NTRK3: variants seen among roughly 807,000 people sequenced by gnomAD.
The protein encoded by NTRK3 is NT-3 growth factor receptor.
NTRK3 carries 24 observed loss-of-function variants against 91.7 expected under a neutral mutation model. That is an observed-to-expected ratio of 0.26 (90% CI 0.19 to 0.37). NTRK3 has a LOEUF of 0.37. NTRK3 is among the 10% of genes least tolerant of loss of function. NTRK3 has a pLI of 1.00. For missense variants in NTRK3, 880 were observed against 1,068.9 expected (o/e 0.82, Z 2.46); for synonymous variants, 483 against 404.0 (o/e 1.20, Z -2.34).
At chr15:87,903,894 A>G (rs1157348028) in intron 17 of NTRK3, among the ~76,000 whole-genome samples, 1 of 152,188 alleles carries the variant, frequency 6.6e-6, no homozygotes, top group African/African-American at 2.4e-5. Flanking sequence ...AATAATCTCT[A>G]GCTTATAGAC....
intron 3 of NTRK3, among the ~76,000 whole-genome samples, chr15:88,247,161 C>T (rs760293246): frequency 1.2e-4 from 19 of 152,228 alleles, no homozygotes; most frequent in Non-Finnish European, 2.6e-4. Context: ...CGGCAGGTAG[C>T]CGGGTTTAGG....
chr15:88,098,290 G>T (rs930306855), intron 13 of NTRK3, among the ~76,000 whole-genome samples: 1 of 152,234 alleles, frequency 6.6e-6, no homozygotes, highest in Admixed American at 6.5e-5. Context: ...GGCAAGGTGA[G>T]AGAGTGGGAT....
chr15:88,169,363 T>C (rs16941364), intron 5 of NTRK3, among the ~76,000 whole-genome samples: 41,301 of 152,106 alleles, frequency 0.27, 6,167 homozygotes, highest in African/African-American at 0.4. Context: ...CCTCTTAGGA[T>C]TCTGTGATCC....
At chr15:87,987,941 C>CGT (rs2074967992) in intron 14 of NTRK3, among the ~76,000 whole-genome samples, 2 of 152,026 alleles carry the variant, frequency 1.3e-5, no homozygotes, top group Admixed American at 6.6e-5. Flanking sequence ...ATCTCCCTTA[C>CGT]AGAAGAATTA....
intron 5 of NTRK3, among the ~76,000 whole-genome samples, chr15:88,158,039 C>T (rs1245372194): frequency 2.0e-5 from 3 of 152,228 alleles, no homozygotes; most frequent in African/African-American, 4.8e-5. Flanking sequence ...CCTACCACTG[C>T]TGCCTCCATG....
intron 3 of NTRK3, among the ~76,000 whole-genome samples, chr15:88,217,763 A>ATTTT: frequency 2.4e-5 from 1 of 42,150 alleles, no homozygotes; most frequent in Non-Finnish European, 5.8e-5. Context: ...TTTGTAGCAC[A>ATTTT]ATTTTTTTTT....
At chr15:88,108,338 T>G (rs2050938718) in intron 13 of NTRK3, among the ~76,000 whole-genome samples, 1 of 152,230 alleles carries the variant, frequency 6.6e-6, no homozygotes, top group South Asian at 2.1e-4. Context: ...TAGTCTACGC[T>G]GGGATCTTGG....
At position 87,940,860 on chromosome 15, in the gene NTRK3, A is replaced by G. The variant is rs574068917; in HGVS notation, c.1586-107T>C. 41 of 1,528,334 alleles carry G rather than the reference A, an allele frequency of 2.7e-5. 1 individual carries two copies. The South Asian group carries it at 4.4e-4, about 16-fold the overall frequency. 94.7% of individuals were successfully genotyped at this position (1,528,334 alleles called of 1,614,324 possible). On this transcript the variant is annotated intron_variant, in intron 14 of 18. Coordinates refer to ENST00000394480, the Ensembl canonical transcript of NTRK3. ...GCGTGGAGAACTTGGTTCTGAGCCTACAGCAGGCAAAGGCAAACTCTAGCA... is the reference window on the plus strand; with the variant it reads ...GCGTGGAGAACTTGGTTCTGAGCCTGCAGCAGGCAAAGGCAAACTCTAGCA...
intron 13 of NTRK3, among the ~76,000 whole-genome samples, chr15:88,091,975 G>C (rs546074418): frequency 6.6e-6 from 1 of 152,168 alleles, no homozygotes; most frequent in Admixed American, 6.5e-5. Context: ...TCTGCAAAAG[G>C]CAGCATTTTA....
chr15:88,091,918 G>C (rs2049053266), intron 13 of NTRK3, among the ~76,000 whole-genome samples: 1 of 152,208 alleles, frequency 6.6e-6, no homozygotes, highest in African/African-American at 2.4e-5. Flanking sequence ...ATGCAAGTTA[G>C]CAAAACCACC....
chr15:88,006,929 A>G (rs907046040), intron 14 of NTRK3, among the ~76,000 whole-genome samples: 1 of 152,192 alleles, frequency 6.6e-6, no homozygotes, highest in African/African-American at 2.4e-5. Flanking sequence ...TCATGCGTGA[A>G]AAAGCAACTG....
chr15:88,136,679 G>A, intron 7 of NTRK3, 70 bp from the exon 8 acceptor site: 6 of 1,549,438 alleles, frequency 3.9e-6, no homozygotes, highest in South Asian at 2.4e-5. Context: ...CTGTCCATGG[G>A]GCTGATGGTG....
intron 6 of NTRK3, among the ~76,000 whole-genome samples, chr15:88,143,518 A>T (rs1597571498): frequency 6.6e-6 from 1 of 152,224 alleles, no homozygotes; most frequent in East Asian, 1.9e-4. Context: ...CAGCCTAGGA[A>T]ATGAATACAG....
At chr15:88,170,621 G>A (rs561709973) in intron 5 of NTRK3, among the ~76,000 whole-genome samples, 1 of 152,316 alleles carries the variant, frequency 6.6e-6, no homozygotes, top group East Asian at 1.9e-4. Flanking sequence ...AAAGAGAACA[G>A]GTCTGCACTC....
intron 17 of NTRK3, among the ~76,000 whole-genome samples, chr15:87,920,932 A>G (rs2067817159): frequency 6.6e-6 from 1 of 152,160 alleles, no homozygotes; most frequent in South Asian, 2.1e-4. Context: ...CATTAGTGGA[A>G]AAGCTGGTAA....
intron 13 of NTRK3, among the ~76,000 whole-genome samples, chr15:88,069,369 G>GT (rs1303805030): frequency 6.6e-6 from 1 of 152,202 alleles, no homozygotes; most frequent in Non-Finnish European, 1.5e-5. Context: ...CATTCAACAA[G>GT]TTTTTCCAGA....
chr15:87,886,699 T>TATATATAC (rs1265075771), intron 17 of NTRK3, among the ~76,000 whole-genome samples: 18 of 138,482 alleles, frequency 1.3e-4, no homozygotes, highest in African/African-American at 4.9e-4. Flanking sequence ...TATATATATA[T>TATATATAC]ACATATATAC....
chr15:88,016,858 A>G (rs891430900), intron 14 of NTRK3, among the ~76,000 whole-genome samples: 6 of 140,998 alleles, frequency 4.3e-5, no homozygotes, highest in African/African-American at 1.6e-4. Flanking sequence ...CTCTGGGGAT[A>G]TTTTTTTTTC....
At chr15:88,035,358 G>C (rs1404680071) in intron 13 of NTRK3, among the ~76,000 whole-genome samples, 1 of 152,160 alleles carries the variant, frequency 6.6e-6, no homozygotes, top group Non-Finnish European at 1.5e-5. Context: ...GAACTCAGAA[G>C]GCTCAGGAGA....
Sources: gnomAD v4.1 joint callset for allele counts (sites outside exome capture counted in the v4.1 genomes callset) on GRCh38, gnomAD v4.1.1 for gene constraint, MANE v1.5 for transcripts, NCBI Gene and HGNC (gene_info 2026-07-23, HGNC 2026-07-21) for gene names.